The following TRHDE variants were observed in gnomAD, a reference collection of about 807,000 sequenced individuals.
TRHDE encodes the protein thyrotropin releasing hormone degrading enzyme.
TRHDE carries 72 observed loss-of-function variants against 125.7 expected under a neutral mutation model. The ratio of observed to expected loss-of-function variants is 0.57; its 90% CI spans 0.47 to 0.70. The LOEUF is 0.70. TRHDE is among the 30% of genes least tolerant of loss of function. The pLI is 0.00. For missense variants in TRHDE, 1,110 were observed against 1,327.1 expected (o/e 0.84, Z 2.54); for synonymous variants, 509 against 509.1 (o/e 1.00, Z 0.00).
intron 3 of TRHDE, among the ~76,000 whole-genome samples, chr12:72,461,407 A>G (rs112785240): frequency 9.9e-5 from 15 of 152,280 alleles, no homozygotes; most frequent in African/African-American, 3.4e-4. Flanking sequence ...AAGGAAGAAA[A>G]AGAATGGTAG....
chr12:72,103,063 TC>T (rs1163538041), intron 1 of TRHDE, among the ~76,000 whole-genome samples: 2 of 152,196 alleles, frequency 1.3e-5, no homozygotes, highest in African/African-American at 4.8e-5. Context: ...CAATCCTACT[TC>T]CTTCTTCCCA....
At chr12:72,437,771 A>G (rs1003043600) in intron 3 of TRHDE, among the ~76,000 whole-genome samples, 1 of 151,844 alleles carries the variant, frequency 6.6e-6, no homozygotes, top group African/African-American at 2.4e-5. Context: ...TAATGTAGTT[A>G]TTTTTATGGT....
chr12:72,536,222 A>C (rs1178632479), intron 6 of TRHDE, among the ~76,000 whole-genome samples: 1 of 152,100 alleles, frequency 6.6e-6, no homozygotes, highest in Non-Finnish European at 1.5e-5. Context: ...TTACCAACTT[A>C]TTTTAGGGAC....
chr12:72,619,490 G>A (rs1872957906), intron 13 of TRHDE, among the ~76,000 whole-genome samples: 1 of 152,086 alleles, frequency 6.6e-6, no homozygotes, highest in African/African-American at 2.4e-5. Flanking sequence ...TCAACATTGA[G>A]GCAAAAGCCC....
intron 15 of TRHDE, among the ~76,000 whole-genome samples, chr12:72,641,828 AATGACAT>A (rs1565820903): frequency 6.6e-6 from 1 of 152,218 alleles, no homozygotes; most frequent in East Asian, 1.9e-4. Context: ...TTTATGAATG[AATGACAT>A]ATTTTTCATT....
At chr12:72,408,248 A>G (rs2135810975) in intron 3 of TRHDE, among the ~76,000 whole-genome samples, 1 of 152,314 alleles carries the variant, frequency 6.6e-6, no homozygotes, top group South Asian at 2.1e-4. Flanking sequence ...ATTCATAAGG[A>G]AAGAGGGATA....
chr12:72,436,243 A>G lies in TRHDE; in HGVS notation c.1316-33515A>G, dbSNP rs144331958. Among the ~76,000 whole-genome samples the G allele has an allele frequency of 1.6e-3, 243 of 152,088 alleles. 4 individuals carry two copies. Among genetic ancestry groups the G allele is most frequent in the African/African-American group, 5.6e-3 (231 of 41,540 alleles). On this transcript the variant is annotated intron_variant, in intron 3 of 18. Coordinates refer to ENST00000261180, the MANE Select transcript of TRHDE (RefSeq NM_013381.3). Reference sequence around the variant, plus strand: ...TCCTAGCTTAACCTTTGAAAATATCATGTCAGTTTAGTTGAATTTATAGAC... The same window carrying G: ...TCCTAGCTTAACCTTTGAAAATATCGTGTCAGTTTAGTTGAATTTATAGAC...
rs1362376057 is a variant in TRHDE at position 72,339,502 on chromosome 12, G to T, written c.1189-38493G>T. ...GGGTCTCATTTGCCTCATCTCTAAG[G>T]AACGTCAGCATAGAGCTGATAGGGT... On this transcript the variant is annotated intron_variant, in intron 2 of 18. Coordinates refer to ENST00000261180, the MANE Select transcript of TRHDE (RefSeq NM_013381.3). Among the ~76,000 whole-genome samples, 11 of 152,106 alleles carry T rather than the reference G, an allele frequency of 7.2e-5. No individual in the cohort carries two copies. In the South Asian group the frequency reaches 2.1e-3, roughly 29 times the overall value.
chr12:72,436,707 G>T (rs181960658), intron 3 of TRHDE, among the ~76,000 whole-genome samples: 1 of 151,686 alleles, frequency 6.6e-6, no homozygotes, highest in African/African-American at 2.4e-5. Context: ...GATCATTGAC[G>T]TACTGAAGAA....
intron 4 of TRHDE, 34 bp downstream of exon 4, chr12:72,469,946 TG>T: frequency 6.3e-7 from 1 of 1,592,130 alleles, no homozygotes; most frequent in Non-Finnish European, 8.5e-7. Context: ...AAGTATAATG[TG>T]AAAGCTATTG....
At chr12:72,107,808 T>G (rs1236435731) in intron 2 of TRHDE, among the ~76,000 whole-genome samples, 8 of 152,126 alleles carry the variant, frequency 5.3e-5, no homozygotes, top group Non-Finnish European at 8.8e-5. Flanking sequence ...TTACAGGGCC[T>G]GTTTAGACAT....
intron 2 of TRHDE, among the ~76,000 whole-genome samples, chr12:72,298,319 T>C (rs902647623): frequency 6.6e-6 from 1 of 152,172 alleles, no homozygotes; most frequent in Non-Finnish European, 1.5e-5. Flanking sequence ...TGATCTTCCT[T>C]CCCTTATTCT....
At chr12:72,192,490 G>C (rs114955010) in intron 2 of TRHDE, among the ~76,000 whole-genome samples, 2 of 151,872 alleles carry the variant, frequency 1.3e-5, no homozygotes, top group Non-Finnish European at 2.9e-5. Context: ...TACAAAAGTC[G>C]AAAGAAGGCA....
chr12:72,414,906 A>T (rs1407419740), intron 3 of TRHDE, among the ~76,000 whole-genome samples: 2 of 152,136 alleles, frequency 1.3e-5, no homozygotes, highest in African/African-American at 4.8e-5. Flanking sequence ...CGATTCAGAA[A>T]ATTTAATGAC....
intron 3 of TRHDE, among the ~76,000 whole-genome samples, chr12:72,456,999 A>C (rs548649645): frequency 6.6e-6 from 1 of 152,150 alleles, no homozygotes; most frequent in Non-Finnish European, 1.5e-5. Context: ...TTAAACTCTC[A>C]AGAAGATATT....
At chr12:72,560,811 G>C (rs1434179990) in intron 7 of TRHDE, 1 of 152,122 alleles carries the variant, frequency 6.6e-6, no homozygotes, top group Non-Finnish European at 1.5e-5. Flanking sequence ...GAGTGACAGA[G>C]TGAGATCTTG....
At chr12:72,296,044 A>G (rs892881518) in intron 2 of TRHDE, among the ~76,000 whole-genome samples, 2 of 152,158 alleles carry the variant, frequency 1.3e-5, no homozygotes, top group African/African-American at 2.4e-5. Context: ...TGCTGTTCAT[A>G]GAGCTTTCTT....
chr12:72,482,181 C>T (rs1020005401), intron 5 of TRHDE, among the ~76,000 whole-genome samples: 37 of 151,880 alleles, frequency 2.4e-4, no homozygotes, highest in African/African-American at 8.2e-4. Flanking sequence ...TGGTATCTAT[C>T]AGTTTCTTGT....
At chr12:72,336,060 T>C (rs1869818474) in intron 2 of TRHDE, among the ~76,000 whole-genome samples, 1 of 152,216 alleles carries the variant, frequency 6.6e-6, no homozygotes, top group Non-Finnish European at 1.5e-5. Flanking sequence ...ATAGAGCATT[T>C]ATGGTGAGGC....
Sources: allele counts gnomAD v4.1 joint callset (sites outside exome capture counted in the v4.1 genomes callset), GRCh38; gene constraint gnomAD v4.1.1; transcripts MANE v1.5; gene names NCBI Gene and HGNC (gene_info 2026-07-23, HGNC 2026-07-21).